Variants in CLASP1 observed in about 807,000 individuals in gnomAD.
CLASP1 encodes cytoplasmic linker associated protein 1.
In CLASP1, 38 loss-of-function variants were observed where a neutral mutation model predicts 192.3. The observed-to-expected ratio is 0.20, with a 90% CI of 0.15 to 0.26. The LOEUF (loss-of-function observed/expected upper bound fraction) is 0.26, where lower values mean the gene tolerates loss of function less well. CLASP1 is among the 10% of genes least tolerant of loss of function. CLASP1 has a pLI of 1.00. For missense variants in CLASP1, 1,433 were observed against 1,932.5 expected, an observed-to-expected ratio of 0.74 and a Z score of 4.85; for synonymous variants, 691 against 712.8, an observed-to-expected ratio of 0.97 and a Z score of 0.49.
At chr2:121,477,450 T>C (rs576763410) in intron 8 of CLASP1, among the ~76,000 whole-genome samples, 1 of 152,318 alleles carries the variant, frequency 6.6e-6, no homozygotes, top group African/African-American at 2.4e-5. Context: ...GAAATGTATA[T>C]CCTTCTTTCC....
chr2:121,370,411 C>T (rs1464483805), intron 34 of CLASP1, among the ~76,000 whole-genome samples: 9 of 152,250 alleles, frequency 5.9e-5, no homozygotes, highest in South Asian at 4.1e-4. Context: ...CTGCAACCTC[C>T]GCCTTCTAGG....
chr2:121,530,544 C>G, intron 2 of CLASP1: 1 of 547,080 alleles, frequency 1.8e-6, no homozygotes. Context: ...TGAGGAGAAA[C>G]GAAATAAAAG....
chr2:121,561,095 C>T (rs1451269104), intron 2 of CLASP1, among the ~76,000 whole-genome samples: 1 of 152,102 alleles, frequency 6.6e-6, no homozygotes, highest in African/African-American at 2.4e-5. Flanking sequence ...TTAGCAGAGA[C>T]AGGGTTTTGC....
At chr2:121,596,159 A>G (rs2063119515) in intron 2 of CLASP1, among the ~76,000 whole-genome samples, 1 of 152,214 alleles carries the variant, frequency 6.6e-6, no homozygotes, top group Middle Eastern at 3.2e-3. Flanking sequence ...CATTTTTACC[A>G]ACAATCCATA....
At chr2:121,550,787 A>G (rs2057966036) in intron 2 of CLASP1, among the ~76,000 whole-genome samples, 1 of 152,148 alleles carries the variant, frequency 6.6e-6, no homozygotes, top group Non-Finnish European at 1.5e-5. Context: ...ATTCTACTAG[A>G]TGTACAAAGA....
intron 16 of CLASP1, among the ~76,000 whole-genome samples, chr2:121,449,353 T>A (rs1308458579): frequency 6.6e-6 from 1 of 152,104 alleles, no homozygotes; most frequent in Non-Finnish European, 1.5e-5. Flanking sequence ...TCAGCCTCAT[T>A]TATAACATGG....
At chr2:121,376,526 T>TGGGGGGGGGGGAGGGGGGGGGGGG (rs61313144) in intron 34 of CLASP1, among the ~76,000 whole-genome samples, 1 of 105,134 alleles carries the variant, frequency 9.5e-6, no homozygotes. Context: ...TGGGAAGGGG[T>TGGGGGGGGGGGAGGGGGGGGGGGG]GGGGGGGGGG....
At chr2:121,437,950 AG>A (rs1408839270) in intron 19 of CLASP1, among the ~76,000 whole-genome samples, 2 of 152,226 alleles carry the variant, frequency 1.3e-5, no homozygotes, top group Non-Finnish European at 2.9e-5. Context: ...CTGGCTACTA[AG>A]TTGTATATAT....
chr2:121,397,169 T>C, exon 30 of CLASP1: 3 of 1,613,922 alleles, frequency 1.9e-6, no homozygotes, highest in Non-Finnish European at 2.5e-6. Context: ...TTTGGTTCTG[T>C]TGTCCAGGTT....
intron 7 of CLASP1, among the ~76,000 whole-genome samples, chr2:121,503,607 C>G (rs1369632467): frequency 1.3e-5 from 2 of 152,138 alleles, no homozygotes; most frequent in Non-Finnish European, 2.9e-5. Context: ...CTCTTTCTTT[C>G]TTAGCGCAGA....
chr2:121,514,339 C>G (rs116123396), intron 7 of CLASP1, among the ~76,000 whole-genome samples: 11 of 152,258 alleles, frequency 7.2e-5, no homozygotes, highest in African/African-American at 2.6e-4. Context: ...ACGGTGACTT[C>G]GTCATTAAAC....
At chr2:121,615,658 C>T (rs1312293051) in intron 1 of CLASP1, among the ~76,000 whole-genome samples, 1 of 152,058 alleles carries the variant, frequency 6.6e-6, no homozygotes, top group African/African-American at 2.4e-5. Flanking sequence ...GTGGCACACG[C>T]CTGTAATCTC....
chr2:121,634,540 A>G (rs565073446), intron 1 of CLASP1, among the ~76,000 whole-genome samples: 16 of 152,344 alleles, frequency 1.1e-4, no homozygotes, highest in African/African-American at 3.8e-4. Flanking sequence ...TCATGACTCC[A>G]TAAAATCAGT....
At chr2:121,506,034 G>GT (rs1428075208) in intron 7 of CLASP1, among the ~76,000 whole-genome samples, 4 of 152,068 alleles carry the variant, frequency 2.6e-5, no homozygotes, top group Non-Finnish European at 4.4e-5. Context: ...GAAAGAAAAA[G>GT]TTTTTTTAAA....
intron 30 of CLASP1, among the ~76,000 whole-genome samples, chr2:121,393,348 C>A (rs1458968626): frequency 2.0e-5 from 3 of 152,066 alleles, no homozygotes; most frequent in Non-Finnish European, 4.4e-5. Flanking sequence ...TTCCTCAATC[C>A]CTGATATAAC....
Position 121,527,830 on chromosome 2 carries a change from T to C in CLASP1, c.439A>G (p.Ile147Val), listed in dbSNP as rs562726155. 9.3e-6 allele frequency: 15 copies of C among 1,614,018 alleles called. No individual in the cohort carries two copies. In the South Asian group the frequency reaches 1.5e-4, roughly 17 times the overall value. ...AGTGTTGCTATAAGGCAGAGACAGA[T>C]GCCTTCTCGAGTACGGAAATTCTTG... The change falls in exon 5 of 40, where the codon ATC becomes GTC. Residue 147 changes from isoleucine to valine, a missense_variant. Transcript: ENST00000263710.
chr2:121,620,721 C>A (rs1345798027), intron 1 of CLASP1, among the ~76,000 whole-genome samples: 1 of 152,114 alleles, frequency 6.6e-6, no homozygotes, highest in Non-Finnish European at 1.5e-5. Context: ...ATCCTTTGCT[C>A]ATTTGTTAAC....
chr2:121,340,968 T>A, intron 39 of CLASP1, 21 bp from the exon 41 acceptor site: 1 of 1,514,908 alleles, frequency 6.6e-7, no homozygotes, highest in Non-Finnish European at 9.1e-7. Context: ...AAGATGAAAC[T>A]GAATTAGCAG....
chr2:121,501,581 T>G (rs966014389), intron 8 of CLASP1, among the ~76,000 whole-genome samples: 1 of 152,216 alleles, frequency 6.6e-6, no homozygotes, highest in Admixed American at 6.5e-5. Flanking sequence ...ATATCAATTT[T>G]CTATTATTTC....
Sources: allele counts gnomAD v4.1 joint callset (sites outside exome capture counted in the v4.1 genomes callset), GRCh38; gene constraint gnomAD v4.1.1; transcripts MANE v1.5; gene names NCBI Gene and HGNC (gene_info 2026-07-23, HGNC 2026-07-21).